The following SND1 variants were observed in gnomAD, a reference collection of about 807,000 sequenced individuals.
SND1 encodes staphylococcal nuclease and tudor domain containing 1.
In SND1, 38 loss-of-function variants were observed where a neutral mutation model predicts 121.7. The ratio of observed to expected loss-of-function variants is 0.31; its 90% CI spans 0.24 to 0.41. The LOEUF (loss-of-function observed/expected upper bound fraction) is 0.41, where lower values mean the gene tolerates loss of function less well. Among genes scored for constraint, SND1 ranks in the 10% least tolerant of loss-of-function variants. The pLI is 1.00. For synonymous variants in SND1, 401 were observed against 447.4 expected (o/e 0.90, Z 1.31); for missense variants, 868 against 1,184.6 (o/e 0.73, Z 3.92).
chr7:127,770,954 T>C (rs1797502371), intron 10 of SND1, among the ~76,000 whole-genome samples: 1 of 152,150 alleles, frequency 6.6e-6, no homozygotes, highest in Admixed American at 6.5e-5. Flanking sequence ...AGAGTTCTTT[T>C]TGGTAATGTT....
intron 16 of SND1, among the ~76,000 whole-genome samples, chr7:128,054,568 A>C (rs1192066665): frequency 6.6e-6 from 1 of 152,222 alleles, no homozygotes; most frequent in Non-Finnish European, 1.5e-5. Context: ...AGTCTCCAGT[A>C]ATTTTCATTT....
intron 8 of SND1, among the ~76,000 whole-genome samples, chr7:127,706,954 A>AT (rs928382636): frequency 1.4e-4 from 21 of 152,048 alleles, no homozygotes; most frequent in Admixed American, 2.0e-4. Context: ...CTGTTCATTG[A>AT]TTTTTTTTAA....
At chr7:127,957,700 GTATT>G (rs137989618) in intron 15 of SND1, among the ~76,000 whole-genome samples, 8,870 of 152,008 alleles carry the variant, frequency 0.058, 757 homozygotes, top group African/African-American at 0.18. Context: ...ATTTGTTTAT[GTATT>G]TATTTATTTT....
intron 10 of SND1, among the ~76,000 whole-genome samples, chr7:127,805,270 G>A (rs536522458): frequency 2.6e-4 from 39 of 152,142 alleles, no homozygotes; most frequent in Non-Finnish European, 4.7e-4. Context: ...TCATGTTTAC[G>A]GTCATATCCT....
intron 14 of SND1, among the ~76,000 whole-genome samples, chr7:127,913,421 G>C (rs985910397): frequency 6.6e-6 from 1 of 152,164 alleles, no homozygotes; most frequent in Non-Finnish European, 1.5e-5. Flanking sequence ...TTTGTTCAAA[G>C]ACATGAGAAA....
At chr7:127,656,521 C>T (rs1795212546) in intron 1 of SND1, among the ~76,000 whole-genome samples, 1 of 151,996 alleles carries the variant, frequency 6.6e-6, no homozygotes, top group Admixed American at 6.6e-5. Flanking sequence ...CATAGTTTCA[C>T]CATGTTGGCT....
Position 127,652,343 on chromosome 7 carries a change from C to G in SND1, c.-31C>G. 6.4e-7 allele frequency: 1 copy of G among 1,559,336 alleles called. No homozygotes were observed. Among genetic ancestry groups the G allele is most frequent in the Non-Finnish European group, 8.7e-7 (1 of 1,146,730 alleles). The stretch of plus-strand genomic sequence containing the variant: ...CATTGACACCTCCAGTCCGGCCAGC[C>G]GCTCCACTCGTTGCCTTTGCATCTC... On this transcript the variant is annotated 5_prime_UTR_variant, in exon 1 of 24. Coordinates refer to ENST00000354725, the MANE Select transcript of SND1 (RefSeq NM_014390.4).
chr7:128,058,988 T>G (rs992320416), intron 16 of SND1, among the ~76,000 whole-genome samples: 1 of 152,064 alleles, frequency 6.6e-6, no homozygotes, highest in African/African-American at 2.4e-5. Context: ...TGGCTTCTGT[T>G]CTCCCCGTCA....
At chr7:128,072,693 T>C (rs1341952972) in intron 16 of SND1, among the ~76,000 whole-genome samples, 1 of 149,476 alleles carries the variant, frequency 6.7e-6, no homozygotes, top group East Asian at 2.1e-4. Context: ...CCCCAGCCCC[T>C]GCAGGCATGA....
At chr7:127,826,603 C>G (rs1266071859) in intron 11 of SND1, among the ~76,000 whole-genome samples, 7 of 152,232 alleles carry the variant, frequency 4.6e-5, no homozygotes, top group African/African-American at 1.7e-4. Flanking sequence ...TTGAAAAAGT[C>G]AACGTTTTTT....
intron 14 of SND1, among the ~76,000 whole-genome samples, chr7:127,926,527 G>A (rs1800836321): frequency 7.4e-6 from 1 of 134,278 alleles, no homozygotes; most frequent in Middle Eastern, 3.7e-3. Context: ...AAAATTTGCT[G>A]TATGCCTTTG....
At chr7:127,695,051 C>T in intron 3 of SND1, 103 bp downstream of exon 3, 1 of 1,423,102 alleles carries the variant, frequency 7.0e-7, no homozygotes, top group South Asian at 1.3e-5. Flanking sequence ...GGAGGAAGCT[C>T]TAGGACAGTT....
intron 15 of SND1, among the ~76,000 whole-genome samples, chr7:127,932,348 A>G (rs1242783082): frequency 6.6e-6 from 1 of 152,274 alleles, no homozygotes; most frequent in East Asian, 1.9e-4. Flanking sequence ...AATTAGAAGT[A>G]GAGCCTGGGG....
At chr7:127,954,649 C>G (rs1801552400) in intron 15 of SND1, among the ~76,000 whole-genome samples, 1 of 151,900 alleles carries the variant, frequency 6.6e-6, no homozygotes, top group Non-Finnish European at 1.5e-5. Flanking sequence ...GATTAATTGC[C>G]AAAGTAATTA....
chr7:128,057,921 A>G (rs566725940), intron 16 of SND1, among the ~76,000 whole-genome samples: 1 of 152,308 alleles, frequency 6.6e-6, no homozygotes, highest in South Asian at 2.1e-4. Context: ...GGTGGTGGAA[A>G]TGAGACTAGA....
chr7:128,089,405 C>A, intron 21 of SND1, 84 bp from the exon 22 acceptor site: 1 of 1,378,988 alleles, frequency 7.3e-7, no homozygotes, highest in Non-Finnish European at 1.0e-6. Context: ...GCTGGCCAGA[C>A]TTTCTTGGGA....
chr7:127,952,656 C>A (rs1221633545), intron 15 of SND1, among the ~76,000 whole-genome samples: 1 of 152,192 alleles, frequency 6.6e-6, no homozygotes, highest in African/African-American at 2.4e-5. Flanking sequence ...GTGCTTGTAA[C>A]TCATTTTTGA....
In SND1 at chr7:127,703,244, C is replaced by T. The variant is rs780923933; in HGVS notation, c.761C>T (p.Ser254Leu). ...FAAEAKFFTESRLLQRDVQII... is the reference protein window; with the variant it reads ...FAAEAKFFTELRLLQRDVQII... ...GCAGAAGCCAAATTTTTCACTGAGTCGCGACTGCTTCAGAGAGATGTTCAG... is the reference window on the plus strand; with the variant it reads ...GCAGAAGCCAAATTTTTCACTGAGTTGCGACTGCTTCAGAGAGATGTTCAG... Residue 254 changes from serine to leucine, a missense_variant, in exon 7 of 24, where the codon TCG (serine) becomes TTG (leucine). Ser to Leu is a moderately radical substitution (Grantham distance 145). Transcript: ENST00000354725. The T allele has an allele frequency of 3.1e-6, 5 of 1,614,112 alleles. No homozygotes were observed. The highest frequency in any genetic ancestry group is 3.4e-6 in the Non-Finnish European group (4 of 1,179,992).
chr7:127,789,360 A>T (rs951538948), intron 10 of SND1, among the ~76,000 whole-genome samples: 19 of 152,246 alleles, frequency 1.2e-4, no homozygotes, highest in African/African-American at 4.1e-4. Flanking sequence ...AAACCTTTTT[A>T]AAAAATTCAT....
Sources: allele counts gnomAD v4.1 joint callset (sites outside exome capture counted in the v4.1 genomes callset), GRCh38; gene constraint gnomAD v4.1.1; transcripts MANE v1.5; gene names NCBI Gene and HGNC (gene_info 2026-07-23, HGNC 2026-07-21).